Variants in PEX5 observed in about 807,000 individuals in gnomAD.
PEX5 encodes PTS1 receptor.
In PEX5, 52 loss-of-function variants were observed where a neutral mutation model predicts 82.9. The ratio of observed to expected loss-of-function variants is 0.63; its 90% CI spans 0.50 to 0.79. The LOEUF (loss-of-function observed/expected upper bound fraction) is 0.79, where lower values mean the gene tolerates loss of function less well. Ranked by LOEUF, PEX5 falls within the 30% of genes least tolerant of loss-of-function variation. PEX5 has a pLI of 0.00. For missense variants in PEX5, 719 were observed against 815.2 expected, an observed-to-expected ratio of 0.88 and a Z score of 1.44; for synonymous variants, 300 against 318.8, an observed-to-expected ratio of 0.94 and a Z score of 0.63.
At chr12:7,204,660 G>T (rs933955603) in intron 10 of PEX5, among the ~76,000 whole-genome samples, 3 of 152,146 alleles carry the variant, frequency 2.0e-5, no homozygotes, top group Admixed American at 2.0e-4. Flanking sequence ...TTAACAATTT[G>T]ATAAGTCACA....
chr12:7,202,186 A>T lies in PEX5; in HGVS notation c.643-55A>T, dbSNP rs999271274. Reference sequence around the variant, plus strand: ...CAGGGTCCTCTTGGGCATGGTTGAGAGTGCACACCTGGAAGTCCTTTCCCA... The same window carrying T: ...CAGGGTCCTCTTGGGCATGGTTGAGTGTGCACACCTGGAAGTCCTTTCCCA... On this transcript the variant is annotated intron_variant, in intron 7 of 15. Coordinates refer to ENST00000675855, the MANE Select transcript of PEX5 (RefSeq NM_001351132.2). The T allele has an allele frequency of 8.7e-6, 14 of 1,612,644 alleles. No homozygotes were observed. The Middle Eastern group carries it at 5.6e-4, about 64-fold the overall frequency.
chr12:7,197,517 T>TTATATGTTATATATAATGTAATTA, intron 5 of PEX5, among the ~76,000 whole-genome samples: 1 of 91,050 alleles, frequency 1.1e-5, no homozygotes, highest in Middle Eastern at 7.6e-3. Flanking sequence ...AATGTAATAA[T>TTATATGTTATATATAATGTAATTA]TATATGTTAT....
intron 9 of PEX5, 117 bp from the exon 10 acceptor site, chr12:7,203,315 T>TTA: frequency 8.2e-7 from 1 of 1,216,354 alleles, no homozygotes; most frequent in Non-Finnish European, 1.1e-6. Flanking sequence ...ATTCAGATGA[T>TTA]TCTTAAACAT....
At chr12:7,196,024 C>CATTATATATTATATATTATATAT (rs376826621) in intron 5 of PEX5, among the ~76,000 whole-genome samples, 1 of 66,940 alleles carries the variant, frequency 1.5e-5, no homozygotes, top group Non-Finnish European at 3.8e-5. Flanking sequence ...TTACATTATA[C>CATTATATATTATATATTATATAT]ATTATATATT....
At chr12:7,213,564 C>A (rs1158806422), downstream of PEX5, among the ~76,000 whole-genome samples, 1 of 148,186 alleles carries the variant, frequency 6.7e-6, no homozygotes, top group Non-Finnish European at 1.5e-5. Context: ...ACACCTTATA[C>A]AAAAATCAAT....
chr12:7,214,108 C>A (rs781133942), downstream of PEX5, among the ~76,000 whole-genome samples: 296 of 152,244 alleles, frequency 1.9e-3, no homozygotes, highest in Admixed American at 3.0e-3. Context: ...AATAGGAACA[C>A]TTTTACACTG....
In PEX5 at chr12:7,202,734, C is replaced by A. The variant is rs1211604837; in HGVS notation, c.846+30C>A. ...GAGCAGATAGTGCAGGAGCAGACACCCCAAAAGAAAACACTCCTTGGAGTG... is the reference window on the plus strand; with the variant it reads ...GAGCAGATAGTGCAGGAGCAGACACACCAAAAGAAAACACTCCTTGGAGTG... On this transcript the variant is annotated intron_variant, in intron 9 of 15. Coordinates refer to ENST00000675855, the MANE Select transcript of PEX5 (RefSeq NM_001351132.2). 8 of 1,494,754 alleles carry A rather than the reference C, an allele frequency of 5.4e-6. No individual in the cohort carries two copies. In the South Asian group the frequency reaches 9.0e-5, roughly 17 times the overall value. 92.6% of individuals were successfully genotyped at this position (1,494,754 alleles called of 1,614,324 possible). A position where few individuals can be genotyped will look rare whatever the true frequency, so the allele number is the denominator to read the frequency against.
downstream of PEX5, among the ~76,000 whole-genome samples, chr12:7,216,281 C>T (rs1255933468): frequency 6.6e-6 from 1 of 152,210 alleles, no homozygotes; most frequent in African/African-American, 2.4e-5. Context: ...ATTCCTTAAA[C>T]ACTCACACCC....
chr12:7,210,140 A>G lies in PEX5; in HGVS notation c.1837A>G (p.Met613Val), dbSNP rs765623850. The G allele has an allele frequency of 4.7e-5, 76 of 1,614,068 alleles. No homozygotes were observed. Among genetic ancestry groups the G allele is most frequent in the Non-Finnish European group, 4.6e-5 (54 of 1,180,030 alleles). ...IWSTLRLALS[M>V]LGQSDAYGAA... Reference sequence around the variant, plus strand: ...GAGCACCCTGCGTTTGGCATTGTCTATGTTAGGCCAGAGCGATGCCTATGG... The same window carrying G: ...GAGCACCCTGCGTTTGGCATTGTCTGTGTTAGGCCAGAGCGATGCCTATGG... Residue 613 changes from methionine to valine, a missense_variant, in exon 16 of 16, where the codon ATG becomes GTG. Met to Val is a conservative substitution (Grantham distance 21). Transcript: ENST00000675855.
At position 7,190,238 on chromosome 12, in the gene PEX5, C is replaced by G. The variant is rs1309129198; in HGVS notation, c.-16-124C>G. The G allele has an allele frequency of 1.9e-6, 3 of 1,589,916 alleles. No individual in the cohort carries two copies. The African/African-American group carries it at 4.0e-5, about 21-fold the overall frequency. On this transcript the variant is annotated intron_variant, in intron 1 of 15. Coordinates refer to ENST00000675855, the MANE Select transcript of PEX5 (RefSeq NM_001351132.2). ...AGAGGTGGGGGTCGCAGCAAAAGCA[C>G]TGGGGTGGAGGGCGGCCAGTGTGGG...
In PEX5 at chr12:7,191,303, C is replaced by T; in HGVS notation, c.261C>T (p.Leu87=). 6.2e-7 allele frequency: 1 copy of T among 1,614,158 alleles called. No homozygotes were observed. Among genetic ancestry groups the T allele is most frequent in the Admixed American group, 1.7e-5 (1 of 60,024 alleles). Residue 87 remains leucine, a synonymous_variant, in exon 4 of 16, where the codon CTC becomes CTT. Transcript: ENST00000675855. ...CTCAGACCTTCAAGATGGATGACCT[C>T]CTGGCTGAGATGCAGCAGATTGAGC... ...RAPQTFKMDD[L]LAEMQQIEQS... is the part of the protein sequence containing the mutation.
At chr12:7,208,268 T>G (rs912986651) in intron 12 of PEX5, among the ~76,000 whole-genome samples, 188 bp downstream of exon 12, 12 of 152,342 alleles carry the variant, frequency 7.9e-5, no homozygotes, top group African/African-American at 2.9e-4. Context: ...ATTTGCGGCT[T>G]TGGTTGGCTC....
intron 17 of PEX5, among the ~76,000 whole-genome samples, chr12:7,217,371 G>A (rs1945808764): frequency 6.6e-6 from 1 of 152,168 alleles, no homozygotes; most frequent in Non-Finnish European, 1.5e-5. Context: ...CAATCTGGGC[G>A]CTTCTTCGCT....
chr12:7,200,255 C>G lies in PEX5; in HGVS notation c.551+1142C>G, dbSNP rs779669119. ...GGCGCTCCTCACATCCCAGACGGGG[C>G]GGCGGGGCAGAGGCGCTCCTCACAT... On this transcript the variant is annotated intron_variant, in intron 6 of 15. Transcript: ENST00000675855. Among the ~76,000 whole-genome samples, 8 of 141,042 alleles carry G rather than the reference C, an allele frequency of 5.7e-5. No homozygotes were observed. The South Asian group carries it at 1.1e-3, about 20-fold the overall frequency. The allele number at this position is 141,042 out of a possible 152,430, so 92.5% of individuals were successfully genotyped here.
At position 7,191,674 on chromosome 12, in the gene PEX5, C is replaced by T. The variant is rs1050969011; in HGVS notation, c.422C>T (p.Ser141Phe). 1 of 1,613,562 alleles carries T rather than the reference C, an allele frequency of 6.2e-7. No individual in the cohort carries two copies. The highest frequency in any genetic ancestry group is 1.3e-5 in the African/African-American group (1 of 74,888). ...VTQDYNETDW[S>F]QEFISEVTDP... ...CAGGATTATAATGAGACTGACTGGT[C>T]CCAAGAATTCATCTCTGAAGTTACA... The change falls in exon 5 of 16, where the codon TCC (serine) becomes TTC (phenylalanine). Residue 141 changes from serine (S) to phenylalanine (F), a missense_variant. By Grantham distance (155) the Ser-to-Phe change is radical. Transcript: ENST00000675855.
Position 7,210,596 on chromosome 12 carries a change from A to T in PEX5, c.*373A>T, listed in dbSNP as rs1015707099. On this transcript the variant is annotated 3_prime_UTR_variant, in exon 16 of 16. Coordinates refer to ENST00000675855, the MANE Select transcript of PEX5 (RefSeq NM_001351132.2). ...ATCTGTAATGTCTGTCCTTTCCCCC[A>T]CTTTTACTGGGAATTGATAGTCCAG... The T allele has an allele frequency of 2.8e-6, 1 of 362,738 alleles. No individual in the cohort carries two copies. Among genetic ancestry groups the T allele is most frequent in the African/African-American group, 2.1e-5 (1 of 47,572 alleles). 22.5% of individuals were successfully genotyped at this position (362,738 alleles called of 1,614,324 possible).
chr12:7,203,941 A>C (rs1177897176), intron 10 of PEX5, among the ~76,000 whole-genome samples: 1 of 151,968 alleles, frequency 6.6e-6, no homozygotes, highest in Non-Finnish European at 1.5e-5. Context: ...ACATCTTAAT[A>C]TCTGTTTACT....
At chr12:7,193,759 A>C (rs1054249157) in intron 5 of PEX5, among the ~76,000 whole-genome samples, 3 of 152,236 alleles carry the variant, frequency 2.0e-5, no homozygotes, top group Admixed American at 1.3e-4. Context: ...AATTACCTGA[A>C]TTGCATGCAG....
rs1945095734 is a variant in PEX5 at position 7,208,451 on chromosome 12, A to T, written c.1182-6A>T. The stretch of plus-strand genomic sequence containing the variant: ...ATATCAAGTCTGCCCATCCCTGATC[A>T]AACAGGTGTCTGGAGCTAAAGCCAG... On this transcript the variant is annotated splice_region_variant and splice_polypyrimidine_tract_variant and intron_variant, in intron 12 of 15. Transcript: ENST00000675855. 5.6e-6 allele frequency: 9 copies of T among 1,611,212 alleles called. No homozygotes were observed. The Admixed American group carries it at 1.5e-4, about 27-fold the overall frequency.
Sources: allele counts gnomAD v4.1 joint callset (sites outside exome capture counted in the v4.1 genomes callset), GRCh38; gene constraint gnomAD v4.1.1; transcripts MANE v1.5; gene names NCBI Gene and HGNC (gene_info 2026-07-23, HGNC 2026-07-21).